Variants in C8A observed in about 807,000 individuals in gnomAD.
C8A encodes complement C8 alpha chain.
A neutral mutation model predicts 65.3 loss-of-function variants in C8A; 67 were observed. The ratio of observed to expected loss-of-function variants is 1.03; its 90% confidence interval spans 0.84 to 1.26. The LOEUF is 1.26. C8A is among the 50% of genes most tolerant of loss of function. The pLI, the probability that C8A is intolerant of heterozygous loss-of-function variation, is 0.00. For missense variants in C8A, 781 were observed against 723.9 expected, an observed-to-expected ratio of 1.08 and a Z score of -0.90; for synonymous variants, 290 against 259.4, an observed-to-expected ratio of 1.12 and a Z score of -1.13.
chr1:56,895,165 G>A (rs1461854397), intron 7 of C8A, among the ~76,000 whole-genome samples: 1 of 152,060 alleles, frequency 6.6e-6, no homozygotes, highest in African/African-American at 2.4e-5. Context: ...TATCTTCCAA[G>A]TACTCATCCC....
Position 56,874,972 on chromosome 1 carries a change from G to A in C8A, c.195G>A (p.Gln65=). 1 of 1,613,736 alleles carries A rather than the reference G, an allele frequency of 6.2e-7. No individual in the cohort carries two copies. The highest frequency in any genetic ancestry group is 8.5e-7 in the Non-Finnish European group (1 of 1,179,820). Residue 65 remains glutamine, a synonymous_variant, in exon 3 of 11, where the codon CAG becomes CAA. Transcript: ENST00000361249. ...DKKYRHRSLL[Q]PNKFGGTICS... is the part of the protein sequence containing the mutation. The stretch of plus-strand genomic sequence containing the variant: ...AGTACCGACACCGGAGCCTCTTGCA[G>A]CCAAACAAGTTTGGGGGAACCATCT...
At chr1:56,877,108 T>C (rs1050480097) in intron 4 of C8A, among the ~76,000 whole-genome samples, 1 of 152,140 alleles carries the variant, frequency 6.6e-6, no homozygotes, top group South Asian at 2.1e-4. Context: ...CAATGAGACA[T>C]GTGAGGACAC....
At chr1:56,862,297 G>A (rs1179764545) in intron 1 of C8A, among the ~76,000 whole-genome samples, 2 of 152,112 alleles carry the variant, frequency 1.3e-5, no homozygotes, top group Non-Finnish European at 2.9e-5. Flanking sequence ...CATATTTGCT[G>A]GACTCTAAAC....
At chr1:56,858,166 T>C (rs895343700) in intron 1 of C8A, among the ~76,000 whole-genome samples, 5 of 152,166 alleles carry the variant, frequency 3.3e-5, no homozygotes, top group Non-Finnish European at 4.4e-5. Context: ...ATAACACTTT[T>C]AATGTTCTTG....
intron 1 of C8A, among the ~76,000 whole-genome samples, chr1:56,861,819 A>T (rs1479216313): frequency 6.6e-6 from 1 of 152,242 alleles, no homozygotes; most frequent in African/African-American, 2.4e-5. Context: ...AGATTTTAAT[A>T]CAAGCTGAGC....
intron 1 of C8A, among the ~76,000 whole-genome samples, chr1:56,855,354 G>A (rs749899354): frequency 6.6e-6 from 1 of 152,166 alleles, no homozygotes; most frequent in Non-Finnish European, 1.5e-5. Flanking sequence ...ATAAATGACA[G>A]TTCTCCTGAG....
intron 2 of C8A, among the ~76,000 whole-genome samples, chr1:56,868,604 C>A (rs1340035668): frequency 6.6e-6 from 1 of 151,982 alleles, no homozygotes. Context: ...GGTTACAGAG[C>A]CAGACCCTGT....
At chr1:56,884,140 A>AAT (rs1341014202) in intron 6 of C8A, among the ~76,000 whole-genome samples, 2 of 152,142 alleles carry the variant, frequency 1.3e-5, no homozygotes, top group Non-Finnish European at 2.9e-5. Context: ...CTGGGGGGTC[A>AAT]ATATATGCTT....
chr1:56,917,559 C>T lies in C8A; in HGVS notation c.1604-6C>T, dbSNP rs1194258039. 2.0e-5 allele frequency: 33 copies of T among 1,614,160 alleles called. No individual in the cohort carries two copies. Among genetic ancestry groups the T allele is most frequent in the Non-Finnish European group, 2.7e-5 (32 of 1,180,006 alleles). ...CCTTCTCCTCCCTGGGAAATTTCCTCTGCAGGAGCCAAAGCAGATGGGAGC... is the reference window on the plus strand; with the variant it reads ...CCTTCTCCTCCCTGGGAAATTTCCTTTGCAGGAGCCAAAGCAGATGGGAGC... On this transcript the variant is annotated splice_polypyrimidine_tract_variant and splice_region_variant and intron_variant, in intron 10 of 10. Transcript: ENST00000361249.
chr1:56,886,867 G>T (rs1191908872), intron 7 of C8A, among the ~76,000 whole-genome samples: 1 of 152,158 alleles, frequency 6.6e-6, no homozygotes, highest in African/African-American at 2.4e-5. Context: ...GAGAACGGTG[G>T]TTCTCAAAGT....
chr1:56,914,682 T>C (rs1644537346), intron 10 of C8A, among the ~76,000 whole-genome samples: 2 of 152,080 alleles, frequency 1.3e-5, no homozygotes, highest in Admixed American at 1.3e-4. Flanking sequence ...GTTTTTCTTT[T>C]GAGATGAAGT....
At chr1:56,902,783 T>C (rs1013024360) in intron 7 of C8A, among the ~76,000 whole-genome samples, 3 of 152,188 alleles carry the variant, frequency 2.0e-5, no homozygotes, top group African/African-American at 7.2e-5. Context: ...TAGCAGTATA[T>C]CCTCAAGGTT....
At chr1:56,891,812 T>C (rs1242497859) in intron 7 of C8A, among the ~76,000 whole-genome samples, 1 of 152,058 alleles carries the variant, frequency 6.6e-6, no homozygotes, top group Admixed American at 6.5e-5. Context: ...CCCGCAGGCA[T>C]TTGGAAATAT....
At chr1:56,881,755 G>A (rs1644250463) in intron 5 of C8A, 121 bp downstream of exon 5, 3 of 944,610 alleles carry the variant, frequency 3.2e-6, no homozygotes. Flanking sequence ...GCTGGTGTCT[G>A]AAGTCTCCTT....
chr1:56,880,338 T>A (rs1454270021), intron 4 of C8A, among the ~76,000 whole-genome samples: 2 of 152,126 alleles, frequency 1.3e-5, no homozygotes, highest in Non-Finnish European at 2.9e-5. Context: ...GGAAGAGTGT[T>A]GGGCTAGGGA....
intron 4 of C8A, among the ~76,000 whole-genome samples, chr1:56,878,033 A>G (rs1644214571): frequency 1.3e-5 from 2 of 152,178 alleles, no homozygotes; most frequent in African/African-American, 4.8e-5. Flanking sequence ...AATTCTGGAG[A>G]CTAGAAGTCT....
chr1:56,868,574 T>G (rs866951240), intron 2 of C8A, among the ~76,000 whole-genome samples: 1 of 152,084 alleles, frequency 6.6e-6, no homozygotes, highest in South Asian at 2.1e-4. Context: ...GCTTAGATTG[T>G]GCCACTGCAC....
chr1:56,867,084 T>C (rs34551714), intron 1 of C8A, among the ~76,000 whole-genome samples: 5,474 of 152,286 alleles, frequency 0.036, 301 homozygotes, highest in East Asian at 0.27. Context: ...ATCCACATAA[T>C]GTCCCAGCAT....
At chr1:56,907,324 A>G (rs1209634965) in intron 8 of C8A, among the ~76,000 whole-genome samples, 2 of 152,194 alleles carry the variant, frequency 1.3e-5, no homozygotes, top group East Asian at 3.9e-4. Context: ...TACAGGGATG[A>G]TGAAGAAGTT....
Sources: allele counts gnomAD v4.1 joint callset (sites outside exome capture counted in the v4.1 genomes callset), GRCh38; gene constraint gnomAD v4.1.1; transcripts MANE v1.5; gene names NCBI Gene and HGNC (gene_info 2026-07-23, HGNC 2026-07-21).